Variants in GALNT13 observed in about 807,000 individuals in gnomAD.
GALNT13 encodes the protein polypeptide N-acetylgalactosaminyltransferase 13.
GALNT13 carries 28 observed loss-of-function variants against 64.2 expected under a neutral mutation model. That is an observed-to-expected ratio of 0.44 (90% confidence interval 0.32 to 0.60). The LOEUF is 0.60. Among genes scored for constraint, GALNT13 ranks in the 20% least tolerant of loss-of-function variants. The probability of loss-of-function intolerance (pLI) is 0.05; values close to 1 mark genes in which losing one functional copy is unlikely to be tolerated. For missense variants in GALNT13, 577 were observed against 669.8 expected, an observed-to-expected ratio of 0.86 and a Z score of 1.53; for synonymous variants, 214 against 224.6, an observed-to-expected ratio of 0.95 and a Z score of 0.42.
At chr2:154,186,359 A>T (rs1686251459) in intron 4 of GALNT13, among the ~76,000 whole-genome samples, 1 of 152,106 alleles carries the variant, frequency 6.6e-6, no homozygotes, top group South Asian at 2.1e-4. Context: ...TATTTTAGGC[A>T]ACCATTATAT....
At chr2:153,870,386 G>C (rs1685845837), upstream of GALNT13, among the ~76,000 whole-genome samples, 1 of 152,026 alleles carries the variant, frequency 6.6e-6, no homozygotes, top group Non-Finnish European at 1.5e-5. Context: ...CATAGGACTA[G>C]TAAGTAGCTG....
the GALNT13 span, among the ~76,000 whole-genome samples, chr2:153,156,613 T>C: frequency 6.6e-6 from 1 of 152,194 alleles, no homozygotes; most frequent in South Asian, 2.1e-4. Flanking sequence ...TTCTTTCTTT[T>C]AGATTTATAC....
chr2:154,001,072 C>G (rs141530728), intron 3 of GALNT13, among the ~76,000 whole-genome samples: 2 of 151,914 alleles, frequency 1.3e-5, no homozygotes, highest in East Asian at 3.9e-4. Context: ...TGTCATTCCT[C>G]TCTTAAATTT....
At chr2:153,852,611 G>A in the GALNT13 span, among the ~76,000 whole-genome samples, 1 of 152,150 alleles carries the variant, frequency 6.6e-6, no homozygotes, top group Admixed American at 6.5e-5. Flanking sequence ...TGGAAAATCA[G>A]TAAGTGTATG....
intron 4 of GALNT13, among the ~76,000 whole-genome samples, chr2:154,158,891 A>ATC (rs1005767794): frequency 6.6e-6 from 1 of 151,778 alleles, no homozygotes; most frequent in Non-Finnish European, 1.5e-5. Context: ...CCCATTTATC[A>ATC]TCTCTCTAAA....
chr2:153,602,482 G>T, the GALNT13 span, among the ~76,000 whole-genome samples: 2 of 137,130 alleles, frequency 1.5e-5, no homozygotes, highest in Non-Finnish European at 3.1e-5. Context: ...CTGGGAAGGG[G>T]TGATTTGAGA....
chr2:154,108,899 A>T (rs1702774201), intron 3 of GALNT13, among the ~76,000 whole-genome samples: 1 of 152,096 alleles, frequency 6.6e-6, no homozygotes. Context: ...AATAGATCAT[A>T]CGTGTGTGGG....
the GALNT13 span, among the ~76,000 whole-genome samples, chr2:153,141,774 A>G: frequency 6.6e-6 from 1 of 152,044 alleles, no homozygotes; most frequent in Non-Finnish European, 1.5e-5. Flanking sequence ...GAAGTCATCT[A>G]GCTATGCATT....
At chr2:153,528,776 A>T in the GALNT13 span, among the ~76,000 whole-genome samples, 4 of 152,026 alleles carry the variant, frequency 2.6e-5, no homozygotes, top group Non-Finnish European at 5.9e-5. Flanking sequence ...AGAATGTTTG[A>T]AACTATGCAA....
chr2:154,439,635 T>G (rs1378468617), intron 12 of GALNT13, among the ~76,000 whole-genome samples: 1 of 151,882 alleles, frequency 6.6e-6, no homozygotes, highest in African/African-American at 2.4e-5. Context: ...ATCTACAGAG[T>G]TTTTGGTATT....
chr2:154,269,254 A>G (rs1206309333), intron 8 of GALNT13, among the ~76,000 whole-genome samples: 1 of 152,096 alleles, frequency 6.6e-6, no homozygotes, highest in Non-Finnish European at 1.5e-5. Context: ...TTTCTAAGCA[A>G]TGTCTACACA....
chr2:154,148,571 A>C (rs1463596891), intron 4 of GALNT13, among the ~76,000 whole-genome samples: 1 of 151,886 alleles, frequency 6.6e-6, no homozygotes, highest in Admixed American at 6.6e-5. Context: ...ATTTCTCCAC[A>C]TCCTCTCCAG....
At chr2:153,363,546 AG>A in the GALNT13 span, among the ~76,000 whole-genome samples, 2 of 152,194 alleles carry the variant, frequency 1.3e-5, no homozygotes, top group Non-Finnish European at 2.9e-5. Context: ...AAAATGATAA[AG>A]GGGATATCAC....
At chr2:154,157,226 C>A (rs1427260727) in intron 4 of GALNT13, among the ~76,000 whole-genome samples, 2 of 152,108 alleles carry the variant, frequency 1.3e-5, no homozygotes, top group Non-Finnish European at 2.9e-5. Context: ...TACCCATCTA[C>A]CCATTTACTT....
intron 4 of GALNT13, among the ~76,000 whole-genome samples, chr2:154,148,530 A>C (rs999495019): frequency 8.6e-5 from 13 of 152,034 alleles, no homozygotes; most frequent in Admixed American, 2.0e-4. Context: ...GAACTAGTTT[A>C]CAGTCCCACC....
At chr2:154,025,711 T>C (rs1697907497) in intron 3 of GALNT13, among the ~76,000 whole-genome samples, 1 of 152,208 alleles carries the variant, frequency 6.6e-6, no homozygotes, top group Non-Finnish European at 1.5e-5. Flanking sequence ...ACCAAACATT[T>C]TGACACAACT....
At chr2:153,192,201 T>A in the GALNT13 span, among the ~76,000 whole-genome samples, 1 of 151,986 alleles carries the variant, frequency 6.6e-6, no homozygotes, top group Admixed American at 6.6e-5. Flanking sequence ...TATCTTAGCA[T>A]TGTTTTTGCT....
Position 153,901,904 on chromosome 2 carries a change from C to A in GALNT13, c.-105+897C>A, listed in dbSNP as rs918168419. ...TTGCAGTGGCTGACCACAGCCTTTT[C>A]TTGCACTCCTTTTTAGTTGCTTTTT... is the stretch of plus-strand genomic sequence containing the variant. On this transcript the variant is annotated intron_variant, in intron 2 of 12. Coordinates refer to ENST00000392825, the MANE Select transcript of GALNT13 (RefSeq NM_052917.4). Among the ~76,000 whole-genome samples the A allele has an allele frequency of 3.3e-5, 5 of 152,142 alleles. No homozygotes were observed. The East Asian group carries it at 9.6e-4, about 29-fold the overall frequency.
At chr2:153,747,126 T>TTG in the GALNT13 span, among the ~76,000 whole-genome samples, 27 of 152,110 alleles carry the variant, frequency 1.8e-4, no homozygotes, top group African/African-American at 6.3e-4. Context: ...ATGAGATGTT[T>TTG]TGATACAAGC....
Sources: gnomAD v4.1 joint callset for allele counts (sites outside exome capture counted in the v4.1 genomes callset) on GRCh38, gnomAD v4.1.1 for gene constraint, MANE v1.5 for transcripts, NCBI Gene and HGNC (gene_info 2026-07-23, HGNC 2026-07-21) for gene names.